The following LRRC8B variants were observed in gnomAD, a reference collection of about 807,000 sequenced individuals.
LRRC8B encodes leucine rich repeat containing 8 VRAC subunit B, also known as volume-regulated anion channel subunit LRRC8B.
LRRC8B carries 23 observed loss-of-function variants against 58.8 expected under a neutral mutation model. The observed-to-expected ratio is 0.39, with a 90% confidence interval of 0.28 to 0.55. The LOEUF (loss-of-function observed/expected upper bound fraction) is 0.55, where lower values mean the gene tolerates loss of function less well. Ranked by LOEUF, LRRC8B falls within the 20% of genes least tolerant of loss-of-function variation. The pLI, the probability that LRRC8B is intolerant of heterozygous loss-of-function variation, is 0.62. For synonymous variants in LRRC8B, 359 were observed against 374.1 expected (o/e 0.96, Z 0.47); for missense variants, 694 against 936.0 (o/e 0.74, Z 3.37).
chr1:89,563,714 C>T lies in LRRC8B; in HGVS notation c.-240-4533C>T, dbSNP rs7513935. On this transcript the variant is annotated intron_variant, in intron 1 of 5. Transcript: ENST00000330947. ...AATAAATAATCATGTTTAGTGCTTACATTGTACCTGCTGCTGTGCTAAGCA... is the reference window on the plus strand; with the variant it reads ...AATAAATAATCATGTTTAGTGCTTATATTGTACCTGCTGCTGTGCTAAGCA... Among the ~76,000 whole-genome samples, 756 of 152,278 alleles carry T rather than the reference C, an allele frequency of 5.0e-3. 6 individuals are homozygous for T. The highest frequency in any genetic ancestry group is 0.017 in the African/African-American group (721 of 41,550).
At chr1:89,542,092 T>G (rs1651041614) in intron 1 of LRRC8B, among the ~76,000 whole-genome samples, 1 of 152,218 alleles carries the variant, frequency 6.6e-6, no homozygotes, top group Non-Finnish European at 1.5e-5. Context: ...GCTACTCTCG[T>G]GTACCAAAAA....
intron 1 of LRRC8B, among the ~76,000 whole-genome samples, chr1:89,561,238 G>GT (rs1318189377): frequency 6.7e-6 from 1 of 149,634 alleles, no homozygotes; most frequent in East Asian, 2.0e-4. Flanking sequence ...GGGGTTGTTT[G>GT]TTTTTTTCTT....
At chr1:89,565,326 T>C (rs1652968448) in intron 1 of LRRC8B, among the ~76,000 whole-genome samples, 1 of 152,216 alleles carries the variant, frequency 6.6e-6, no homozygotes, top group South Asian at 2.1e-4. Flanking sequence ...TTAAGGTCAT[T>C]TTGGAATGCT....
At chr1:89,526,299 C>T (rs1649693024) in intron 1 of LRRC8B, among the ~76,000 whole-genome samples, 1 of 152,232 alleles carries the variant, frequency 6.6e-6, no homozygotes, top group Admixed American at 6.5e-5. Context: ...ACTGCAACCT[C>T]CACCTCCTGG....
At position 89,593,236 on chromosome 1, in the gene LRRC8B, G is replaced by A. The variant is rs1019493984; in HGVS notation, c.*193G>A. On this transcript the variant is annotated 3_prime_UTR_variant, in exon 6 of 6. Coordinates refer to ENST00000330947, the MANE Select transcript of LRRC8B (RefSeq NM_001369817.2). ...CTAAAACTACAAAAAAATTAGCCAG[G>A]CGTGGTGGCGTGCGCCTGTAATCCC... 1.7e-5 allele frequency: 9 copies of A among 544,992 alleles called. No individual in the cohort carries two copies. The African/African-American group carries it at 1.7e-4, about 10-fold the overall frequency. 33.8% of individuals were successfully genotyped at this position (544,992 alleles called of 1,614,324 possible).
At chr1:89,572,189 A>G (rs1653522139) in intron 3 of LRRC8B, among the ~76,000 whole-genome samples, 1 of 152,118 alleles carries the variant, frequency 6.6e-6, no homozygotes, top group South Asian at 2.1e-4. Flanking sequence ...TCTGGCTGGT[A>G]GGGTTTCAGC....
intron 5 of LRRC8B, among the ~76,000 whole-genome samples, chr1:89,591,872 T>G (rs1654998362): frequency 6.6e-6 from 1 of 152,164 alleles, no homozygotes; most frequent in African/African-American, 2.4e-5. Context: ...CCAGCCAATA[T>G]GTAGAGTATT....
chr1:89,534,495 TATC>T (rs1391696536), intron 1 of LRRC8B, among the ~76,000 whole-genome samples: 3 of 150,668 alleles, frequency 2.0e-5, no homozygotes, highest in Non-Finnish European at 4.4e-5. Context: ...AGTTTTTCAT[TATC>T]ATGTCTTTTG....
In LRRC8B at chr1:89,596,495, G is replaced by A. The variant is rs562506078; in HGVS notation, c.*3452G>A. 2.0e-5 allele frequency: 3 copies of A among 152,118 alleles called. No homozygotes were observed. Among genetic ancestry groups the A allele is most frequent in the Admixed American group, 6.5e-5 (1 of 15,288 alleles). The allele number at this position is 152,118 out of a possible 1,614,324, so 9.4% of individuals were successfully genotyped here. A position where few individuals can be genotyped will look rare whatever the true frequency, so the allele number is the denominator to read the frequency against. ...AATTTTTTTTCGGTTCAAGTGTTTT[G>A]TGATTAAAATTTTATGTTTAATTAA... On this transcript the variant is annotated 3_prime_UTR_variant, in exon 6 of 6. Coordinates refer to ENST00000330947, the MANE Select transcript of LRRC8B (RefSeq NM_001369817.2).
At chr1:89,590,961 G>A (rs1453643068) in intron 5 of LRRC8B, among the ~76,000 whole-genome samples, 1 of 152,142 alleles carries the variant, frequency 6.6e-6, no homozygotes, top group Admixed American at 6.5e-5. Context: ...GTAACTGGTG[G>A]GTAGAGGCTG....
At chr1:89,556,637 GA>G (rs999122903) in intron 1 of LRRC8B, among the ~76,000 whole-genome samples, 1 of 151,902 alleles carries the variant, frequency 6.6e-6, no homozygotes, top group African/African-American at 2.4e-5. Context: ...AGTGATATCA[GA>G]AAAAAAGACA....
chr1:89,577,140 C>T (rs551705405), intron 3 of LRRC8B, among the ~76,000 whole-genome samples: 13 of 152,034 alleles, frequency 8.6e-5, no homozygotes, highest in South Asian at 6.2e-4. Context: ...TGGAATTGTT[C>T]GGCTATAATC....
rs961868277 is a variant in LRRC8B at position 89,594,009 on chromosome 1, C to G, written c.*966C>G. 6.6e-6 allele frequency: 1 copy of G among 152,156 alleles called. No homozygotes were observed. Among genetic ancestry groups the G allele is most frequent in the East Asian group, 1.9e-4 (1 of 5,194 alleles). The allele number at this position is 152,156 out of a possible 1,614,324, so 9.4% of individuals were successfully genotyped here. The stretch of plus-strand genomic sequence containing the variant: ...GAGCTGAGTATTTAAGATGTATTAT[C>G]CTCGGGGCATCCTGAAAATTAATGT... On this transcript the variant is annotated 3_prime_UTR_variant, in exon 6 of 6. Transcript: ENST00000330947.
intron 1 of LRRC8B, among the ~76,000 whole-genome samples, chr1:89,538,184 A>C (rs1393512527): frequency 1.3e-5 from 2 of 152,228 alleles, no homozygotes. Context: ...TCAGGAGACC[A>C]GTATCACAAG....
intron 3 of LRRC8B, among the ~76,000 whole-genome samples, chr1:89,578,759 A>T (rs1570633237): frequency 6.6e-6 from 1 of 152,130 alleles, no homozygotes; most frequent in African/African-American, 2.4e-5. Context: ...TTGAGGTTTC[A>T]TAGGCACTAA....
intron 3 of LRRC8B, among the ~76,000 whole-genome samples, chr1:89,578,181 T>C (rs995826434): frequency 6.6e-6 from 1 of 152,210 alleles, no homozygotes; most frequent in African/African-American, 2.4e-5. Context: ...GAAAAACAGA[T>C]GTTAAATTAT....
intron 1 of LRRC8B, among the ~76,000 whole-genome samples, chr1:89,527,244 G>A (rs1649770901): frequency 6.6e-6 from 1 of 152,032 alleles, no homozygotes; most frequent in South Asian, 2.1e-4. Context: ...TATGTTTTCT[G>A]GACTTTTTAC....
intron 1 of LRRC8B, among the ~76,000 whole-genome samples, chr1:89,558,315 A>G (rs936930037): frequency 6.6e-6 from 1 of 151,898 alleles, no homozygotes; most frequent in Non-Finnish European, 1.5e-5. Flanking sequence ...ACAGAAAGCA[A>G]GAGAAGCTGG....
At position 89,583,832 on chromosome 1, in the gene LRRC8B, C is replaced by T; in HGVS notation, c.1182C>T (p.Asn394=). The T allele has an allele frequency of 6.2e-7, 1 of 1,614,118 alleles. No individual in the cohort carries two copies. The highest frequency in any genetic ancestry group is 8.5e-7 in the Non-Finnish European group (1 of 1,180,006). The change falls in exon 5 of 6, where the codon AAC becomes AAT. Residue 394 remains asparagine, a synonymous_variant. Transcript: ENST00000330947. The surrounding 1 kb of genome is among the most constrained non-coding windows in gnomAD (Gnocchi z 5.2). ...TATTCCTATCAGAGGTCAGTGAGAA[C>T]AAACTGAAACAGATCAACCTCAATA... ...FSIFLSEVSE[N]KLKQINLNNE...
Sources: allele counts gnomAD v4.1 joint callset (sites outside exome capture counted in the v4.1 genomes callset), GRCh38; gene constraint gnomAD v4.1.1; non-coding constraint Gnocchi (gnomAD v3.1); transcripts MANE v1.5; gene names NCBI Gene and HGNC (gene_info 2026-07-23, HGNC 2026-07-21).